CPQ: variants seen among roughly 807,000 people sequenced by gnomAD.
CPQ encodes Ser-Met dipeptidase.
CPQ carries 37 observed loss-of-function variants against 45.7 expected under a neutral mutation model. That is an observed-to-expected ratio of 0.81 (90% CI 0.62 to 1.07). The LOEUF (loss-of-function observed/expected upper bound fraction) is 1.07, where lower values mean the gene tolerates loss of function less well. Among genes scored for constraint, CPQ ranks in the 50% least tolerant of loss-of-function variants. The pLI is 0.00. For missense variants in CPQ, 537 were observed against 572.9 expected, an observed-to-expected ratio of 0.94 and a Z score of 0.64; for synonymous variants, 186 against 205.8, an observed-to-expected ratio of 0.90 and a Z score of 0.82.
intron 4 of CPQ, 119 bp from the exon 5 acceptor site, chr8:96,965,816 T>C: frequency 3.1e-6 from 2 of 635,062 alleles, no homozygotes; most frequent in Non-Finnish European, 5.1e-6. Context: ...TTTAAAGACA[T>C]AAAAATAGGA....
chr8:96,661,206 G>T (rs1815697570), intron 1 of CPQ, among the ~76,000 whole-genome samples: 2 of 152,072 alleles, frequency 1.3e-5, no homozygotes, highest in Non-Finnish European at 2.9e-5. Flanking sequence ...TTTTAAAAAA[G>T]ACTTTACTTT....
At chr8:96,800,876 G>C (rs930901059) in intron 2 of CPQ, among the ~76,000 whole-genome samples, 1 of 151,900 alleles carries the variant, frequency 6.6e-6, no homozygotes, top group African/African-American at 2.4e-5. Context: ...AGAACAAATA[G>C]TTTTTTAAAA....
At chr8:96,945,786 G>T (rs1282115932) in intron 4 of CPQ, among the ~76,000 whole-genome samples, 1 of 152,062 alleles carries the variant, frequency 6.6e-6, no homozygotes, top group Non-Finnish European at 1.5e-5. Flanking sequence ...TATGCCTAGG[G>T]AGAAGTCTCC....
intron 7 of CPQ, among the ~76,000 whole-genome samples, chr8:97,090,290 C>CA (rs1301073024): frequency 1.3e-5 from 2 of 152,130 alleles, no homozygotes; most frequent in Non-Finnish European, 2.9e-5. Flanking sequence ...CACATAATTC[C>CA]AATGCTCTGA....
In CPQ at chr8:96,964,177, C is replaced by T. The variant is rs933128192; in HGVS notation, c.850-1758C>T. 4.7e-4 allele frequency among the ~76,000 whole-genome samples: 8 copies of T among 16,908 alleles called. No homozygotes were observed. In the Admixed American group the frequency reaches 5.3e-3, roughly 11 times the overall value. 11.1% of individuals were successfully genotyped at this position (16,908 alleles called of 152,430 possible). On this transcript the variant is annotated intron_variant, in intron 4 of 7. Coordinates refer to ENST00000220763, the MANE Select transcript of CPQ (RefSeq NM_016134.4). The stretch of plus-strand genomic sequence containing the variant: ...ACATCTTTTTTGGTTAAAGTATACA[C>T]ACACACACACACACACACACACACA...
intron 1 of CPQ, among the ~76,000 whole-genome samples, chr8:96,650,581 G>A (rs559426366): frequency 6.6e-6 from 1 of 152,284 alleles, no homozygotes; most frequent in East Asian, 1.9e-4. Flanking sequence ...TTCTGACTTT[G>A]GGTCCATTGC....
intron 1 of CPQ, among the ~76,000 whole-genome samples, chr8:96,778,637 T>C (rs985379796): frequency 1.3e-5 from 2 of 152,192 alleles, no homozygotes; most frequent in Non-Finnish European, 2.9e-5. Flanking sequence ...ATTATTATGT[T>C]TGTGGAATTT....
At chr8:96,793,070 A>G (rs1021729655) in intron 2 of CPQ, among the ~76,000 whole-genome samples, 28 of 151,640 alleles carry the variant, frequency 1.8e-4, no homozygotes, top group African/African-American at 6.1e-4. Flanking sequence ...GAGTCCCTCA[A>G]TAAGATTTGG....
At chr8:96,795,014 G>T (rs942963391) in intron 2 of CPQ, among the ~76,000 whole-genome samples, 2 of 152,124 alleles carry the variant, frequency 1.3e-5, no homozygotes, top group African/African-American at 4.8e-5. Flanking sequence ...CTTCTTCTGA[G>T]CCCTTCATAC....
At chr8:96,747,490 C>T (rs1810203667) in intron 1 of CPQ, among the ~76,000 whole-genome samples, 1 of 152,064 alleles carries the variant, frequency 6.6e-6, no homozygotes, top group South Asian at 2.1e-4. Context: ...TTTTTGCTTT[C>T]AAAATTCATC....
rs1349500817 is a variant in CPQ at position 96,941,257 on chromosome 8, C to T, written c.850-24678C>T. ...GCAGATTCAGTGGGGTAGGGGAGAACTGCTTTTAACAAGCTGCTGGGATTG... is the reference window on the plus strand; with the variant it reads ...GCAGATTCAGTGGGGTAGGGGAGAATTGCTTTTAACAAGCTGCTGGGATTG... On this transcript the variant is annotated intron_variant, in intron 4 of 7. Transcript: ENST00000220763. Among the ~76,000 whole-genome samples, 11 of 152,226 alleles carry T rather than the reference C, an allele frequency of 7.2e-5. 1 individual carries two copies. In the South Asian group the frequency reaches 2.1e-3, roughly 29 times the overall value.
chr8:96,829,713 T>A (rs116226923), intron 2 of CPQ, among the ~76,000 whole-genome samples: 1 of 152,162 alleles, frequency 6.6e-6, no homozygotes, highest in African/African-American at 2.4e-5. Flanking sequence ...GATTTCTTCC[T>A]TTAGTCAGAA....
At chr8:96,777,835 T>C (rs1810636332) in intron 1 of CPQ, among the ~76,000 whole-genome samples, 1 of 131,186 alleles carries the variant, frequency 7.6e-6, no homozygotes, top group African/African-American at 2.8e-5. Context: ...TTCACACCAT[T>C]CTCCTGCCTC....
chr8:97,046,254 G>A (rs541007884), intron 6 of CPQ, among the ~76,000 whole-genome samples: 15 of 151,762 alleles, frequency 9.9e-5, no homozygotes, highest in African/African-American at 1.7e-4. Flanking sequence ...TAAGCAGATC[G>A]GAACTTCTAT....
intron 7 of CPQ, among the ~76,000 whole-genome samples, chr8:97,066,916 CTTTTTTTTTT>C (rs752150876): frequency 6.6e-5 from 4 of 60,398 alleles, no homozygotes; most frequent in African/African-American, 2.3e-4. Flanking sequence ...CTGGAACAGT[CTTTTTTTTTT>C]TTTTTTTTTT....
intron 2 of CPQ, among the ~76,000 whole-genome samples, chr8:96,830,749 C>G (rs906252381): frequency 5.9e-5 from 9 of 152,162 alleles, no homozygotes; most frequent in African/African-American, 2.2e-4. Context: ...TTAACAGCAC[C>G]CTGATCGATG....
intron 1 of CPQ, among the ~76,000 whole-genome samples, chr8:96,742,960 T>C (rs1204142444): frequency 6.6e-6 from 1 of 152,192 alleles, no homozygotes; most frequent in Non-Finnish European, 1.5e-5. Context: ...TGTCTTGGTG[T>C]TGCTCTTCTC....
Position 97,123,187 on chromosome 8 carries a change from A to AAT in CPQ, c.1256-19831_1256-19830dup, listed in dbSNP as rs1461450308. 1.6e-3 allele frequency among the ~76,000 whole-genome samples: 206 copies of AAT among 127,006 alleles called. 4 individuals carry two copies. Among genetic ancestry groups the AAT allele is most frequent in the African/African-American group, 4.4e-3 (148 of 33,564 alleles). The allele number at this position is 127,006 out of a possible 152,430, so 83.3% of individuals were successfully genotyped here. A position where few individuals can be genotyped will look rare whatever the true frequency, so the allele number is the denominator to read the frequency against. ...TAAAATAAAATAAAATATAAAATAAAATAAAATAAAATAAAATAAAAAATA... is the reference window on the plus strand; with the variant it reads ...TAAAATAAAATAAAATATAAAATAAAATATAAAATAAAATAAAATAAAAAATA... On this transcript the variant is annotated intron_variant, in intron 7 of 7. Coordinates refer to ENST00000220763, the MANE Select transcript of CPQ (RefSeq NM_016134.4).
At chr8:96,849,097 A>G (rs4734351) in intron 3 of CPQ, among the ~76,000 whole-genome samples, 59,525 of 152,090 alleles carry the variant, frequency 0.39, 12,155 homozygotes, top group Non-Finnish European at 0.46. Context: ...TAACACAAAT[A>G]AAACTGTGAC....
Sources: allele counts gnomAD v4.1 joint callset (sites outside exome capture counted in the v4.1 genomes callset), GRCh38; gene constraint gnomAD v4.1.1; transcripts MANE v1.5; gene names NCBI Gene and HGNC (gene_info 2026-07-23, HGNC 2026-07-21).